Variants in CTNNA1 observed in about 807,000 individuals in gnomAD.
CTNNA1 encodes catenin alpha 1, also known as catenin alpha-1.
CTNNA1 carries 37 observed loss-of-function variants against 98.4 expected under a neutral mutation model. That is an observed-to-expected ratio of 0.38 (90% CI 0.29 to 0.49). The LOEUF (loss-of-function observed/expected upper bound fraction) is 0.49, where lower values mean the gene tolerates loss of function less well. Among genes scored for constraint, CTNNA1 ranks in the 20% least tolerant of loss-of-function variants. CTNNA1 has a pLI of 0.95. For synonymous variants in CTNNA1, 404 were observed against 413.2 expected (o/e 0.98, Z 0.27); for missense variants, 761 against 1,147.2 (o/e 0.66, Z 4.86).
chr5:138,905,048 C>T (rs1207506765), intron 10 of CTNNA1, among the ~76,000 whole-genome samples: 3 of 148,162 alleles, frequency 2.0e-5, no homozygotes, highest in African/African-American at 5.0e-5. Context: ...GAGCTGAGAT[C>T]GCACCACTAC....
intron 7 of CTNNA1, among the ~76,000 whole-genome samples, chr5:138,828,806 T>C (rs999953010): frequency 1.3e-5 from 2 of 152,194 alleles, no homozygotes; most frequent in Admixed American, 1.3e-4. Context: ...ACTGTGAAAT[T>C]AGTGATGCAT....
intron 7 of CTNNA1, among the ~76,000 whole-genome samples, chr5:138,848,169 C>T: frequency 9.2e-5 from 1 of 10,912 alleles, no homozygotes; most frequent in African/African-American, 5.0e-4. Context: ...CTGTTCTAGT[C>T]TTGACAGCTG....
At chr5:138,876,280 C>A (rs1317068571) in intron 7 of CTNNA1, among the ~76,000 whole-genome samples, 1 of 152,184 alleles carries the variant, frequency 6.6e-6, no homozygotes, top group Non-Finnish European at 1.5e-5. Context: ...ACCCTAGTTC[C>A]CAGCCACCAA....
chr5:138,791,229 C>T (rs572028931), intron 3 of CTNNA1, among the ~76,000 whole-genome samples: 3 of 152,154 alleles, frequency 2.0e-5, no homozygotes, highest in Admixed American at 6.5e-5. Flanking sequence ...TTTGATACTG[C>T]GAATGCATTT....
At chr5:138,777,279 T>C in intron 1 of CTNNA1, among the ~76,000 whole-genome samples, 1 of 150,198 alleles carries the variant, frequency 6.7e-6, no homozygotes, top group East Asian at 2.0e-4. Context: ...GCAGAGACGC[T>C]CCTCACTTCC....
chr5:138,853,101 G>A (rs1453350681), intron 7 of CTNNA1, among the ~76,000 whole-genome samples: 1 of 150,874 alleles, frequency 6.6e-6, no homozygotes, highest in Non-Finnish European at 1.5e-5. Flanking sequence ...GGCATTATTT[G>A]TTTTAATTTT....
In CTNNA1 at chr5:138,925,426, G is replaced by A; in HGVS notation, c.1899+19G>A. 2 of 1,611,494 alleles carry A rather than the reference G, an allele frequency of 1.2e-6. No homozygotes were observed. Among genetic ancestry groups the A allele is most frequent in the Non-Finnish European group, 1.7e-6 (2 of 1,178,800 alleles). On this transcript the variant is annotated intron_variant, in intron 13 of 17. Transcript: ENST00000302763. ...GATAAGGGTGAGTAACTGCATTTCA[G>A]ACGTCTTAACAGCTTCTTTCTTATC... is the stretch of plus-strand genomic sequence containing the variant.
intron 3 of CTNNA1, among the ~76,000 whole-genome samples, chr5:138,795,748 T>C (rs1756896016): frequency 6.6e-6 from 1 of 151,920 alleles, no homozygotes; most frequent in African/African-American, 2.4e-5. Context: ...GGTTACTTTC[T>C]CTCTTTTTTT....
chr5:138,823,826 G>A (rs1246252228), intron 5 of CTNNA1, among the ~76,000 whole-genome samples: 3 of 149,576 alleles, frequency 2.0e-5, no homozygotes, highest in African/African-American at 4.9e-5. Flanking sequence ...GCGTAGTGGC[G>A]GGCGCCTGTA....
intron 9 of CTNNA1, among the ~76,000 whole-genome samples, chr5:138,894,021 A>G (rs1478325066): frequency 6.6e-6 from 1 of 151,664 alleles, no homozygotes; most frequent in East Asian, 1.9e-4. Flanking sequence ...GGTTCAAGCA[A>G]TTCTCCCTGC....
At chr5:138,779,243 G>A (rs1040958132) in intron 1 of CTNNA1, among the ~76,000 whole-genome samples, 1 of 151,960 alleles carries the variant, frequency 6.6e-6, no homozygotes, top group Non-Finnish European at 1.5e-5. Context: ...TTACCAGTGG[G>A]GGTTGCAAGA....
At chr5:138,821,583 T>A (rs1760051233) in intron 5 of CTNNA1, among the ~76,000 whole-genome samples, 1 of 152,208 alleles carries the variant, frequency 6.6e-6, no homozygotes, top group Non-Finnish European at 1.5e-5. Flanking sequence ...TGGCTATAAT[T>A]TTATATTGTT....
intron 3 of CTNNA1, among the ~76,000 whole-genome samples, chr5:138,798,878 T>A (rs1757245705): frequency 6.6e-6 from 1 of 152,204 alleles, no homozygotes; most frequent in Non-Finnish European, 1.5e-5. Context: ...CGATCTTGGA[T>A]ATAGTTCCTG....
intron 7 of CTNNA1, among the ~76,000 whole-genome samples, chr5:138,842,947 A>G (rs28363427): frequency 1.5e-3 from 226 of 152,314 alleles, no homozygotes; most frequent in African/African-American, 5.2e-3. Context: ...TTTCTATCCA[A>G]TGCTCCATTA....
chr5:138,853,620 C>T (rs2149855159), intron 7 of CTNNA1, among the ~76,000 whole-genome samples: 1 of 152,212 alleles, frequency 6.6e-6, no homozygotes, highest in South Asian at 2.1e-4. Context: ...TACTTACATG[C>T]ACATAAGTTT....
chr5:138,855,395 A>T (rs952448802), intron 7 of CTNNA1, among the ~76,000 whole-genome samples: 3 of 152,206 alleles, frequency 2.0e-5, no homozygotes, highest in African/African-American at 7.2e-5. Context: ...TTTTCTATGT[A>T]TAGATATTAA....
At chr5:138,773,680 A>G (rs1039839174) in intron 1 of CTNNA1, among the ~76,000 whole-genome samples, 1 of 152,054 alleles carries the variant, frequency 6.6e-6, no homozygotes, top group Non-Finnish European at 1.5e-5. Flanking sequence ...CTCGTTTAGA[A>G]GCAGGATTAG....
At chr5:138,861,568 T>C (rs1764282116) in intron 7 of CTNNA1, among the ~76,000 whole-genome samples, 3 of 152,192 alleles carry the variant, frequency 2.0e-5, no homozygotes, top group Admixed American at 2.0e-4. Context: ...TACGCCCCAA[T>C]TCACATTCCC....
chr5:138,813,694 T>C (rs1759090265), intron 5 of CTNNA1, among the ~76,000 whole-genome samples: 7 of 152,190 alleles, frequency 4.6e-5, no homozygotes. Context: ...GGTGGCATCA[T>C]GTAACCTCGA....
Sources: gnomAD v4.1 joint callset for allele counts (sites outside exome capture counted in the v4.1 genomes callset) on GRCh38, gnomAD v4.1.1 for gene constraint, MANE v1.5 for transcripts, NCBI Gene and HGNC (gene_info 2026-07-23, HGNC 2026-07-21) for gene names.